Variants in SPPL2B observed in about 807,000 individuals in gnomAD.
The protein encoded by SPPL2B is signal peptide peptidase like 2B.
Under a neutral mutation model 59.7 loss-of-function variants are expected in SPPL2B, and 39 were observed. The observed-to-expected ratio is 0.65, with a 90% CI of 0.51 to 0.85. The LOEUF (loss-of-function observed/expected upper bound fraction) is 0.85, where lower values mean the gene tolerates loss of function less well. Ranked by LOEUF, SPPL2B falls within the 40% of genes least tolerant of loss-of-function variation. The probability of loss-of-function intolerance (pLI) is 0.00; values close to 1 mark genes in which losing one functional copy is unlikely to be tolerated. For synonymous variants in SPPL2B, 419 were observed against 370.8 expected (o/e 1.13, Z -1.49); for missense variants, 865 against 849.0 (o/e 1.02, Z -0.23).
At chr19:2,330,636 G>A (rs1040657380) in intron 1 of SPPL2B, 1 of 152,602 alleles carries the variant, frequency 6.6e-6, no homozygotes, top group African/African-American at 2.4e-5. Context: ...GGAGGCCCGG[G>A]GGGTGGGCCG....
chr19:2,328,859 C>T (rs1196696214), intron 1 of SPPL2B, 84 bp downstream of exon 1: 1 of 1,196,048 alleles, frequency 8.4e-7, no homozygotes, highest in Admixed American at 4.2e-5. Context: ...GGAACGACCC[C>T]GCTCGGCCCG....
chr19:2,337,176 G>A (rs1455643814), intron 2 of SPPL2B: 3 of 365,088 alleles, frequency 8.2e-6, no homozygotes, highest in South Asian at 6.6e-5. Flanking sequence ...GATCTGTGAC[G>A]GCTCGCGGGG....
intron 8 of SPPL2B, chr19:2,341,252 C>G (rs1203740533): frequency 1.5e-6 from 1 of 669,682 alleles, no homozygotes; most frequent in African/African-American, 1.8e-5. Context: ...GAGGCCGGAG[C>G]CCCTGTGGCC....
At chr19:2,344,818 C>T (rs530987080) in intron 12 of SPPL2B, among the ~76,000 whole-genome samples, 166 bp downstream of exon 12, 3 of 152,280 alleles carry the variant, frequency 2.0e-5, no homozygotes, top group East Asian at 1.9e-4. Flanking sequence ...GCCTGGGCAG[C>T]GAGGGCATTG....
chr19:2,340,648 C>T (rs923595730), intron 7 of SPPL2B: 15 of 567,632 alleles, frequency 2.6e-5, no homozygotes, highest in Admixed American at 6.4e-5. Context: ...GGGCCTCGGG[C>T]GAAGGGGCGC....
chr19:2,350,509 TCTCCAC>T (rs1969867367), intron 13 of SPPL2B, among the ~76,000 whole-genome samples: 2 of 152,180 alleles, frequency 1.3e-5, no homozygotes, highest in South Asian at 4.1e-4. Context: ...ATTCTCTCTC[TCTCCAC>T]ACACACACTC....
In SPPL2B at chr19:2,339,944, C is replaced by T. The variant is rs1240369423; in HGVS notation, c.720C>T (p.Leu240=). 5 of 1,557,210 alleles carry T rather than the reference C, an allele frequency of 3.2e-6. No individual in the cohort carries two copies. Among genetic ancestry groups the T allele is most frequent in the Admixed American group, 1.9e-5 (1 of 51,358 alleles). ...VVMCCSMLVL[L]YYFYDLLVYV... is the part of the protein sequence containing the mutation. Reference sequence around the variant, plus strand: ...TGTGCTGCTCCATGCTGGTGCTGCTCTACTATTTCTACGATCTCCTCGGTG... The same window carrying T: ...TGTGCTGCTCCATGCTGGTGCTGCTTTACTATTTCTACGATCTCCTCGGTG... Residue 240 remains leucine (L), a synonymous_variant, in exon 6 of 15, where the codon CTC becomes CTT. Coordinates refer to ENST00000613503, the MANE Select transcript of SPPL2B (RefSeq NM_152988.3).
At chr19:2,336,099 T>C (rs1248663752) in intron 2 of SPPL2B, among the ~76,000 whole-genome samples, 1 of 152,244 alleles carries the variant, frequency 6.6e-6, no homozygotes, top group Non-Finnish European at 1.5e-5. Flanking sequence ...GTACTAGATA[T>C]GTGCATGGAC....
At chr19:2,342,851 G>C (rs1352610903) in intron 8 of SPPL2B, 1 of 248,318 alleles carries the variant, frequency 4.0e-6, no homozygotes, top group Non-Finnish European at 8.2e-6. Flanking sequence ...CAGCGACTGA[G>C]GGGACGCAGC....
chr19:2,344,683 C>A, intron 12 of SPPL2B, 31 bp downstream of exon 12: 1 of 1,434,654 alleles, frequency 7.0e-7, no homozygotes, highest in Non-Finnish European at 9.8e-7. Context: ...CACGGGTCCA[C>A]GCTGTGGGGC....
At chr19:2,350,687 T>C (rs1395115976) in intron 13 of SPPL2B, among the ~76,000 whole-genome samples, 1 of 152,384 alleles carries the variant, frequency 6.6e-6, no homozygotes, top group Non-Finnish European at 1.5e-5. Flanking sequence ...AGCAATGCCA[T>C]GCGACAGCCA....
rs145207922 is a variant in SPPL2B at position 2,336,834 on chromosome 19, CGTGT to C, written c.187-597_187-594del. On this transcript the variant is annotated intron_variant, in intron 2 of 14. Transcript: ENST00000613503. ...GCGCTGGCCTGGCTGCGGCTATGTG[CGTGT>C]GTGTGTGTGTGCACTCCAGCCTGGC... Among the ~76,000 whole-genome samples, 1,109 of 136,202 alleles carry C rather than the reference CGTGT, an allele frequency of 8.1e-3. 16 individuals are homozygous for C. Among genetic ancestry groups the C allele is most frequent in the African/African-American group, 0.03 (1,046 of 35,336 alleles). 89.4% of individuals were successfully genotyped at this position (136,202 alleles called of 152,430 possible).
chr19:2,350,925 G>T (rs1047124651), intron 13 of SPPL2B, among the ~76,000 whole-genome samples: 1 of 152,252 alleles, frequency 6.6e-6, no homozygotes, highest in East Asian at 1.9e-4. Context: ...GGGACTGGGG[G>T]CACGGCCCCG....
At chr19:2,342,899 T>C (rs1286612469) in intron 8 of SPPL2B, 1 of 355,752 alleles carries the variant, frequency 2.8e-6, no homozygotes, top group South Asian at 3.0e-5. Context: ...CCCCACCATC[T>C]GGGGACAGCG....
chr19:2,336,066 AGTTT>A (rs1366573424), intron 2 of SPPL2B, among the ~76,000 whole-genome samples: 2 of 151,986 alleles, frequency 1.3e-5, no homozygotes, highest in Admixed American at 6.6e-5. Context: ...CATATTTCTG[AGTTT>A]GTGTGTGTGA....
chr19:2,341,741 G>A (rs755322941), intron 8 of SPPL2B: 1 of 392,348 alleles, frequency 2.5e-6, no homozygotes, highest in Non-Finnish European at 5.3e-6. Context: ...TGTACACAAA[G>A]AGAAAATGAA....
Position 2,353,526 on chromosome 19 carries a change from C to T in SPPL2B, c.*317C>T. On this transcript the variant is annotated 3_prime_UTR_variant, in exon 15 of 15. Coordinates refer to ENST00000613503, the MANE Select transcript of SPPL2B (RefSeq NM_152988.3). ...TCTGCAGACCCTCAAGCGTCGTCTG[C>T]ATGAGTGAGCAGGCGTGGGTGGACT... is the stretch of plus-strand genomic sequence containing the variant. 5.5e-6 allele frequency: 2 copies of T among 364,030 alleles called. No individual in the cohort carries two copies. Among genetic ancestry groups the T allele is most frequent in the Non-Finnish European group, 1.0e-5 (2 of 199,736 alleles). The allele number at this position is 364,030 out of a possible 1,614,324, so 22.5% of individuals were successfully genotyped here.
chr19:2,352,426 C>A (rs1264278423), intron 14 of SPPL2B, among the ~76,000 whole-genome samples: 1 of 152,168 alleles, frequency 6.6e-6, no homozygotes, highest in East Asian at 1.9e-4. Flanking sequence ...CGCATGGGGT[C>A]CTACGTCATG....
chr19:2,340,904 C>A lies in SPPL2B; in HGVS notation c.846C>A (p.Pro282=). 1 of 1,590,326 alleles carries A rather than the reference C, an allele frequency of 6.3e-7. No homozygotes were observed. Among genetic ancestry groups the A allele is most frequent in the Non-Finnish European group, 8.5e-7 (1 of 1,173,380 alleles). Residue 282 remains proline, a synonymous_variant, in exon 8 of 15, where the codon CCC becomes CCA. Coordinates refer to ENST00000613503, the MANE Select transcript of SPPL2B (RefSeq NM_152988.3). ...ACTGCCCCGTGCCCCCCAGGATCCC[C>A]AACAACAGCCTGCCCTACTTCCACA... is the stretch of plus-strand genomic sequence containing the variant. The part of the protein sequence containing the change: ...RRLPFGKCRI[P]NNSLPYFHKR...
Sources: allele counts gnomAD v4.1 joint callset (sites outside exome capture counted in the v4.1 genomes callset), GRCh38; gene constraint gnomAD v4.1.1; transcripts MANE v1.5; gene names NCBI Gene and HGNC (gene_info 2026-07-23, HGNC 2026-07-21).